Variants in ESYT2 observed in about 807,000 individuals in gnomAD.
ESYT2 encodes extended synaptotagmin 2.
ESYT2 carries 54 observed loss-of-function variants against 107.2 expected under a neutral mutation model. The observed-to-expected ratio is 0.50, with a 90% CI of 0.40 to 0.63. The LOEUF (loss-of-function observed/expected upper bound fraction) is 0.63, where lower values mean the gene tolerates loss of function less well. ESYT2 is among the 30% of genes least tolerant of loss of function. The pLI, the probability that ESYT2 is intolerant of heterozygous loss-of-function variation, is 0.00. For synonymous variants in ESYT2, 491 were observed against 434.1 expected, an observed-to-expected ratio of 1.13 and a Z score of -1.63; for missense variants, 1,020 against 1,094.5, an observed-to-expected ratio of 0.93 and a Z score of 0.96.
chr7:158,816,656 G>A (rs1237215375), intron 1 of ESYT2, among the ~76,000 whole-genome samples: 1 of 152,126 alleles, frequency 6.6e-6, no homozygotes, highest in Non-Finnish European at 1.5e-5. Flanking sequence ...TTTGTCACAG[G>A]CGCCCTAATG....
chr7:158,743,476 C>A (rs1321824886), intron 17 of ESYT2, 53 bp downstream of exon 17: 1 of 1,564,480 alleles, frequency 6.4e-7, no homozygotes, highest in Non-Finnish European at 8.6e-7. Flanking sequence ...AGTATCCCTG[C>A]CAGCACCCGC....
At chr7:158,742,821 G>T (rs1482233612) in intron 17 of ESYT2, among the ~76,000 whole-genome samples, 1 of 152,200 alleles carries the variant, frequency 6.6e-6, no homozygotes, top group Non-Finnish European at 1.5e-5. Context: ...ACAAAAGTCA[G>T]GTTTCTAGAA....
chr7:158,781,987 G>GAA (rs57219763), intron 6 of ESYT2, among the ~76,000 whole-genome samples: 4 of 984 alleles, frequency 4.1e-3, no homozygotes, highest in Admixed American at 0.015. Flanking sequence ...TGTGAGATGT[G>GAA]TGTAATTACG....
At chr7:158,775,116 T>C (rs886103629) in intron 6 of ESYT2, among the ~76,000 whole-genome samples, 18 of 152,274 alleles carry the variant, frequency 1.2e-4, no homozygotes, top group Middle Eastern at 3.4e-3. Flanking sequence ...CATTTTTTGG[T>C]TTCCCAAGGC....
intron 13 of ESYT2, among the ~76,000 whole-genome samples, chr7:158,753,945 C>G (rs1157802515): frequency 6.6e-6 from 1 of 152,092 alleles, no homozygotes; most frequent in Admixed American, 6.6e-5. Flanking sequence ...TGGGCTGTAC[C>G]AAAGACACTT....
At chr7:158,759,705 A>C in intron 12 of ESYT2, 124 bp from the exon 13 acceptor site, 1 of 738,118 alleles carries the variant, frequency 1.4e-6, no homozygotes, top group Non-Finnish European at 2.2e-6. Context: ...CAATCCATGC[A>C]ACAGAGACAG....
rs1236818258 is a variant in ESYT2, at chr7:158,829,166, A to C, written c.253T>G (p.Cys85Gly). The C allele has an allele frequency of 3.2e-6, 5 of 1,551,960 alleles. No individual in the cohort carries two copies. Among genetic ancestry groups the C allele is most frequent in the African/African-American group, 1.4e-5 (1 of 72,270 alleles). The change falls in exon 1 of 23, where the codon TGC (cysteine) becomes GGC (glycine). Residue 85 changes from cysteine (C) to glycine (G), a missense_variant. Coordinates refer to ENST00000275418, the MANE Select transcript of ESYT2 (RefSeq NM_001367773.1). Reference sequence around the variant, plus strand: ...TCTTCCAGCAGCGCCAGCGCGCGGCACAGGCGCAGGGCCTTGAGGCCGCGG... The same window carrying C: ...TCTTCCAGCAGCGCCAGCGCGCGGCCCAGGCGCAGGGCCTTGAGGCCGCGG... The part of the protein sequence containing the change: ...RSRGLKALRL[C>G]RALALLEDEE...
intron 1 of ESYT2, among the ~76,000 whole-genome samples, chr7:158,808,238 C>T (rs1473114101): frequency 1.3e-5 from 2 of 152,212 alleles, no homozygotes; most frequent in Non-Finnish European, 2.9e-5. Context: ...ACAAACAATT[C>T]GTCAGTTTTA....
intron 4 of ESYT2, among the ~76,000 whole-genome samples, chr7:158,792,764 G>GTTT (rs35348712): frequency 1.3e-3 from 159 of 117,784 alleles, no homozygotes; most frequent in Middle Eastern, 4.6e-3. Context: ...ATAACGTGGG[G>GTTT]TTTTTTTTTT....
intron 18 of ESYT2, among the ~76,000 whole-genome samples, chr7:158,741,322 G>A (rs1042447220): frequency 6.6e-6 from 1 of 152,198 alleles, no homozygotes; most frequent in African/African-American, 2.4e-5. Flanking sequence ...CCTAGAAAAT[G>A]GCAGGTTTTA....
rs142637211 is a variant in ESYT2, at chr7:158,737,096, C to T, written c.2351G>A (p.Arg784Lys). 1.5e-4 allele frequency: 240 copies of T among 1,613,888 alleles called. No homozygotes were observed. Among genetic ancestry groups the T allele is most frequent in the Non-Finnish European group, 1.6e-4 (188 of 1,179,922 alleles). The change falls in exon 20 of 23, where the codon AGG becomes AAG. Residue 784 changes from arginine (R) to lysine (K), a missense_variant. Coordinates refer to ENST00000275418, the MANE Select transcript of ESYT2 (RefSeq NM_001367773.1). ...LLPDKRRSGRRKTHVSKKTLN... is the reference protein window; with the variant it reads ...LLPDKRRSGRKKTHVSKKTLN... The stretch of plus-strand genomic sequence containing the variant: ...TGTTTTCTTTGACACGTGTGTTTTC[C>T]TCCTTCCTGACCGCCTCTTGTCTGG...
intron 6 of ESYT2, among the ~76,000 whole-genome samples, 167 bp downstream of exon 6, chr7:158,787,837 C>T (rs1839161558): frequency 6.6e-6 from 1 of 152,098 alleles, no homozygotes; most frequent in South Asian, 2.1e-4. Context: ...GAGATAAGCT[C>T]TCAGTTAAGG....
chr7:158,793,661 G>T lies in ESYT2; in HGVS notation c.573C>A (p.Asp191Glu). The change falls in exon 4 of 23, where the codon GAC (aspartate) becomes GAA (glutamate). Residue 191 changes from aspartate to glutamate, a missense_variant. Physicochemically the swap from Asp to Glu is conservative, Grantham distance 45. Transcript: ENST00000275418. The stretch of plus-strand genomic sequence containing the variant: ...AAATAAAAACTTACCTAATCTGAAG[G>T]TCCAAAATAATTTGCCTTTTGTCTA... ...ENVDKRQIIL[D>E]LQISFVGNCE... 1 of 1,611,000 alleles carries T rather than the reference G, an allele frequency of 6.2e-7. No homozygotes were observed. The highest frequency in any genetic ancestry group is 8.5e-7 in the Non-Finnish European group (1 of 1,177,674).
intron 4 of ESYT2, among the ~76,000 whole-genome samples, chr7:158,790,093 C>T (rs11976471): frequency 0.11 from 16,429 of 152,162 alleles, 1,340 homozygotes; most frequent in East Asian, 0.43. Flanking sequence ...CTGCCTGACC[C>T]GAGACATACG....
chr7:158,741,908 C>T lies in ESYT2; in HGVS notation c.1795-12G>A. 2 of 1,557,714 alleles carry T rather than the reference C, an allele frequency of 1.3e-6. No individual in the cohort carries two copies. Among genetic ancestry groups the T allele is most frequent in the Non-Finnish European group, 1.7e-6 (2 of 1,154,196 alleles). Reference sequence around the variant, plus strand: ...TCGAGATGGAGCACCTAGAGGTGGACATAAACATAAAAATTAAACTTGGTG... The same window carrying T: ...TCGAGATGGAGCACCTAGAGGTGGATATAAACATAAAAATTAAACTTGGTG... On this transcript the variant is annotated splice_polypyrimidine_tract_variant and intron_variant, in intron 17 of 22. Coordinates refer to ENST00000275418, the MANE Select transcript of ESYT2 (RefSeq NM_001367773.1).
intron 9 of ESYT2, among the ~76,000 whole-genome samples, chr7:158,763,569 A>G (rs2129472200): frequency 6.6e-6 from 1 of 152,276 alleles, no homozygotes; most frequent in African/African-American, 2.4e-5. Context: ...CGTTGGGATT[A>G]CCAGTGTGAG....
At chr7:158,782,225 G>A (rs1375026427) in intron 6 of ESYT2, among the ~76,000 whole-genome samples, 1 of 65,614 alleles carries the variant, frequency 1.5e-5, no homozygotes, top group Non-Finnish European at 4.2e-5. Context: ...GAGAACAGAT[G>A]TGAGTGTAAC....
intron 6 of ESYT2, among the ~76,000 whole-genome samples, chr7:158,782,213 G>C (rs1271931799): frequency 5.8e-5 from 8 of 136,940 alleles, no homozygotes; most frequent in Non-Finnish European, 1.3e-4. Context: ...GTGTGAACGT[G>C]TGAGAACAGA....
chr7:158,768,732 A>C (rs1446426669), intron 7 of ESYT2, among the ~76,000 whole-genome samples: 2 of 152,198 alleles, frequency 1.3e-5, no homozygotes, highest in African/African-American at 4.8e-5. Flanking sequence ...ATGTACTTTT[A>C]ATATATCTTT....
Sources: allele counts gnomAD v4.1 joint callset (sites outside exome capture counted in the v4.1 genomes callset), GRCh38; gene constraint gnomAD v4.1.1; transcripts MANE v1.5; gene names NCBI Gene and HGNC (gene_info 2026-07-23, HGNC 2026-07-21).